Variants in GABRB2 observed in about 807,000 individuals in gnomAD.
GABRB2 encodes the protein gamma-aminobutyric acid receptor subunit beta-2.
GABRB2 carries 16 observed loss-of-function variants against 54.7 expected under a neutral mutation model. The observed-to-expected ratio is 0.29, with a 90% CI of 0.20 to 0.44. The LOEUF is 0.44. Among genes scored for constraint, GABRB2 ranks in the 20% least tolerant of loss-of-function variants. GABRB2 has a pLI of 1.00. For missense variants in GABRB2, 355 were observed against 644.0 expected (o/e 0.55, Z 4.86); for synonymous variants, 244 against 233.8 (o/e 1.04, Z -0.40).
intron 4 of GABRB2, among the ~76,000 whole-genome samples, chr5:161,447,706 G>A (rs566728705): frequency 3.3e-5 from 5 of 152,282 alleles, no homozygotes; most frequent in African/African-American, 1.2e-4. Flanking sequence ...GAATGAGGTA[G>A]AAATCTTCCC....
intron 3 of GABRB2, among the ~76,000 whole-genome samples, chr5:161,488,033 T>C (rs1289130879): frequency 2.0e-5 from 3 of 151,846 alleles, no homozygotes; most frequent in South Asian, 2.1e-4. Flanking sequence ...CTTTTTTATA[T>C]ACCTTCCTTC....
At chr5:161,461,384 T>A (rs1758114206) in intron 3 of GABRB2, among the ~76,000 whole-genome samples, 1 of 152,076 alleles carries the variant, frequency 6.6e-6, no homozygotes, top group Admixed American at 6.6e-5. Flanking sequence ...GCTCTTGGGG[T>A]CCCAATTCTA....
At chr5:161,414,351 A>G (rs1756602250) in intron 4 of GABRB2, among the ~76,000 whole-genome samples, 1 of 152,064 alleles carries the variant, frequency 6.6e-6, no homozygotes, top group South Asian at 2.1e-4. Flanking sequence ...TAACTCATAA[A>G]CTGTTATGCA....
intron 4 of GABRB2, among the ~76,000 whole-genome samples, chr5:161,427,355 G>A (rs960376491): frequency 6.6e-6 from 1 of 152,156 alleles, no homozygotes; most frequent in Non-Finnish European, 1.5e-5. Flanking sequence ...TAAATAGAAA[G>A]ATTACTTGGC....
chr5:161,465,396 A>G lies in GABRB2; in HGVS notation c.238-5552T>C, dbSNP rs76422146. On this transcript the variant is annotated intron_variant, in intron 3 of 9. Transcript: ENST00000393959. ...TGAAATTGTACAACAATGCACTTAG[A>G]GTAGGTGGTTTCAAAGGCCATTTCT... Among the ~76,000 whole-genome samples, 3 of 152,262 alleles carry G rather than the reference A, an allele frequency of 2.0e-5. No individual in the cohort carries two copies. In the East Asian group the frequency reaches 5.8e-4, roughly 29 times the overall value.
At chr5:161,362,802 G>A (rs945501772) in intron 5 of GABRB2, among the ~76,000 whole-genome samples, 1 of 152,154 alleles carries the variant, frequency 6.6e-6, no homozygotes, top group African/African-American at 2.4e-5. Flanking sequence ...GGTCATTAGA[G>A]AAATGTAAAT....
rs1391155718 is a variant in GABRB2 at position 161,291,797 on chromosome 5, G to A, written c.*2284C>T. ...GCCCACTTCTACACTTGGGCTCTGAGTTGACTCTAGAAGAGCCTTTTCAGA... is the reference window on the plus strand; with the variant it reads ...GCCCACTTCTACACTTGGGCTCTGAATTGACTCTAGAAGAGCCTTTTCAGA... On this transcript the variant is annotated 3_prime_UTR_variant, in exon 10 of 10. Coordinates refer to ENST00000393959, the MANE Select transcript of GABRB2 (RefSeq NM_001371727.1). The A allele has an allele frequency of 6.6e-6, 1 of 152,596 alleles. No homozygotes were observed. 9.5% of individuals were successfully genotyped at this position (152,596 alleles called of 1,614,324 possible).
chr5:161,396,172 C>T (rs755041325), intron 5 of GABRB2, among the ~76,000 whole-genome samples: 13 of 152,090 alleles, frequency 8.5e-5, no homozygotes, highest in South Asian at 2.1e-4. Flanking sequence ...ATACCAGAAA[C>T]GAGGCCTAGA....
chr5:161,293,060 G>T lies in GABRB2; in HGVS notation c.*1021C>A, dbSNP rs1313594294. On this transcript the variant is annotated 3_prime_UTR_variant, in exon 10 of 10. Transcript: ENST00000393959. ...CAATCTGTTTGCTAGTTTGTGCTCT[G>T]TATTTGTATATTTGAATGACTCTGA... The T allele has an allele frequency of 6.6e-6, 1 of 152,188 alleles. No homozygotes were observed. The highest frequency in any genetic ancestry group is 1.5e-5 in the Non-Finnish European group (1 of 68,036). 9.4% of individuals were successfully genotyped at this position (152,188 alleles called of 1,614,324 possible).
At chr5:161,324,959 A>G (rs963894697) in intron 9 of GABRB2, among the ~76,000 whole-genome samples, 2 of 152,110 alleles carry the variant, frequency 1.3e-5, no homozygotes, top group African/African-American at 2.4e-5. Context: ...CATCAACTGC[A>G]CACTTTAATG....
At chr5:161,337,025 C>T (rs1314600422) in intron 5 of GABRB2, among the ~76,000 whole-genome samples, 1 of 152,022 alleles carries the variant, frequency 6.6e-6, no homozygotes, top group African/African-American at 2.4e-5. Flanking sequence ...AAATTAACAG[C>T]ATAGATTCTC....
At chr5:161,454,126 A>T (rs1376669432) in intron 4 of GABRB2, among the ~76,000 whole-genome samples, 1 of 152,138 alleles carries the variant, frequency 6.6e-6, no homozygotes, top group Non-Finnish European at 1.5e-5. Context: ...GAGTGATAAG[A>T]CATGATGAGA....
chr5:161,322,706 C>T (rs1758247450), intron 9 of GABRB2, among the ~76,000 whole-genome samples: 1 of 152,060 alleles, frequency 6.6e-6, no homozygotes. Context: ...GATTTTTATC[C>T]ATACAACTTT....
chr5:161,475,418 A>G (rs372770619), intron 3 of GABRB2, among the ~76,000 whole-genome samples: 1 of 151,918 alleles, frequency 6.6e-6, no homozygotes, highest in African/African-American at 2.4e-5. Context: ...ATTAGAATCA[A>G]TCCTCTCCAA....
intron 9 of GABRB2, among the ~76,000 whole-genome samples, chr5:161,318,509 T>C (rs1469695820): frequency 6.6e-6 from 1 of 152,062 alleles, no homozygotes. Context: ...ATTATACTTT[T>C]ATTAAGAACT....
At chr5:161,476,653 T>C (rs2113312846) in intron 3 of GABRB2, among the ~76,000 whole-genome samples, 1 of 151,958 alleles carries the variant, frequency 6.6e-6, no homozygotes, top group Non-Finnish European at 1.5e-5. Flanking sequence ...TACGAATAAA[T>C]GCTCTTAAGC....
intron 5 of GABRB2, among the ~76,000 whole-genome samples, chr5:161,409,485 G>C (rs1334452349): frequency 6.6e-6 from 1 of 152,088 alleles, no homozygotes; most frequent in Non-Finnish European, 1.5e-5. Flanking sequence ...ACTTATCTGA[G>C]AGGGTTGTGG....
chr5:161,403,436 GTGC>G (rs1458783689), intron 5 of GABRB2, among the ~76,000 whole-genome samples: 2 of 152,080 alleles, frequency 1.3e-5, no homozygotes, highest in Non-Finnish European at 2.9e-5. Flanking sequence ...TCATGTAAAA[GTGC>G]TGAGGAAATG....
chr5:161,410,322 G>A (rs1268142374), intron 5 of GABRB2, among the ~76,000 whole-genome samples: 1 of 151,674 alleles, frequency 6.6e-6, no homozygotes, highest in Non-Finnish European at 1.5e-5. Flanking sequence ...TCATCAATGT[G>A]GAAGCTAAAA....
Sources: gnomAD v4.1 joint callset for allele counts (sites outside exome capture counted in the v4.1 genomes callset) on GRCh38, gnomAD v4.1.1 for gene constraint, MANE v1.5 for transcripts, NCBI Gene and HGNC (gene_info 2026-07-23, HGNC 2026-07-21) for gene names.